Variants in CALN1 observed in about 807,000 individuals in gnomAD.
CALN1 encodes the protein calneuron 1.
Under a neutral mutation model 30.6 loss-of-function variants are expected in CALN1, and 17 were observed. The observed-to-expected ratio is 0.56, with a 90% CI of 0.38 to 0.83. The LOEUF is 0.83. CALN1 is among the 40% of genes least tolerant of loss of function. CALN1 has a pLI of 0.00. For missense variants in CALN1, 291 were observed against 354.9 expected (o/e 0.82, Z 1.45); for synonymous variants, 156 against 131.4 (o/e 1.19, Z -1.28).
At chr7:72,134,157 T>C (rs1389864958) in intron 3 of CALN1, among the ~76,000 whole-genome samples, 1 of 152,114 alleles carries the variant, frequency 6.6e-6, no homozygotes, top group East Asian at 1.9e-4. Flanking sequence ...TGGCATTCCT[T>C]CCCTCCAGAG....
intron 3 of CALN1, among the ~76,000 whole-genome samples, chr7:72,207,090 T>A (rs1191788515): frequency 2.6e-5 from 4 of 152,328 alleles, no homozygotes; most frequent in Middle Eastern, 3.4e-3. Flanking sequence ...AAGAAAAAGA[T>A]GCTAATGAAC....
chr7:72,348,299 C>T (rs184177526), intron 2 of CALN1, among the ~76,000 whole-genome samples: 8 of 152,284 alleles, frequency 5.3e-5, no homozygotes, highest in Admixed American at 4.6e-4. Flanking sequence ...GTACAAATTA[C>T]GTGTGTCCTG....
chr7:71,947,557 G>T (rs1796467915), intron 5 of CALN1, among the ~76,000 whole-genome samples: 1 of 152,296 alleles, frequency 6.6e-6, no homozygotes, highest in South Asian at 2.1e-4. Context: ...TAAAAGTGAA[G>T]AAAATTATAC....
At chr7:72,262,230 A>G (rs1157895997) in intron 3 of CALN1, among the ~76,000 whole-genome samples, 1 of 152,206 alleles carries the variant, frequency 6.6e-6, no homozygotes, top group East Asian at 1.9e-4. Context: ...AGATCTATGG[A>G]CACGTTCCCT....
At position 72,403,449 on chromosome 7, in the gene CALN1, G is replaced by A. The variant is rs953354252; in HGVS notation, c.-73-7C>T. 8.6e-6 allele frequency: 10 copies of A among 1,161,818 alleles called. No individual in the cohort carries two copies. Among genetic ancestry groups the A allele is most frequent in the African/African-American group, 4.6e-5 (3 of 64,842 alleles). The allele number at this position is 1,161,818 out of a possible 1,614,324, so 72.0% of individuals were successfully genotyped here. ...CAGCGAAGGCACTGAGACTCTGAAA[G>A]GAGTTGACAGAAACTTACAGCCTGC... On this transcript the variant is annotated splice_region_variant and splice_polypyrimidine_tract_variant and intron_variant, in intron 1 of 6. Coordinates refer to ENST00000395275, the MANE Select transcript of CALN1 (RefSeq NM_031468.4).
At chr7:72,063,752 G>A (rs998542023) in intron 4 of CALN1, among the ~76,000 whole-genome samples, 4 of 152,176 alleles carry the variant, frequency 2.6e-5, no homozygotes, top group Admixed American at 6.5e-5. Flanking sequence ...ACAACCTGAC[G>A]TGGAAAGGAA....
chr7:72,050,142 C>T (rs1436481097), intron 4 of CALN1, among the ~76,000 whole-genome samples: 1 of 152,006 alleles, frequency 6.6e-6, no homozygotes, highest in African/African-American at 2.4e-5. Flanking sequence ...AATTGATGTC[C>T]CTGTTTTAAT....
At chr7:72,499,174 G>A in the CALN1 span, among the ~76,000 whole-genome samples, 1 of 152,040 alleles carries the variant, frequency 6.6e-6, no homozygotes, top group African/African-American at 2.4e-5. Flanking sequence ...GGGATTACAG[G>A]AACCTGCCAC....
At chr7:71,811,504 G>A (rs1457945407) in intron 5 of CALN1, among the ~76,000 whole-genome samples, 1 of 152,016 alleles carries the variant, frequency 6.6e-6, no homozygotes, top group Non-Finnish European at 1.5e-5. Flanking sequence ...ACTGTGCCTG[G>A]CCATGAATCT....
intron 4 of CALN1, among the ~76,000 whole-genome samples, chr7:72,042,598 G>A (rs559426421): frequency 1.8e-4 from 28 of 152,230 alleles, no homozygotes; most frequent in Admixed American, 1.8e-3. Context: ...CAGGAGCAGT[G>A]GATCACACGT....
chr7:72,144,913 T>C (rs370519327), intron 3 of CALN1, among the ~76,000 whole-genome samples: 2 of 151,016 alleles, frequency 1.3e-5, no homozygotes, highest in South Asian at 2.1e-4. Context: ...AAGATGTTCT[T>C]TGAAACCAAC....
At chr7:72,496,110 C>T in the CALN1 span, among the ~76,000 whole-genome samples, 9 of 152,196 alleles carry the variant, frequency 5.9e-5, no homozygotes, top group African/African-American at 1.2e-4. Flanking sequence ...TTATTAGAAA[C>T]GGGTTTTTGC....
At chr7:72,062,104 A>G (rs1584861537) in intron 4 of CALN1, among the ~76,000 whole-genome samples, 1 of 152,362 alleles carries the variant, frequency 6.6e-6, no homozygotes, top group East Asian at 1.9e-4. Context: ...CAGTGGAAAC[A>G]TCCTTCAGGA....
At chr7:72,224,301 CAA>C (rs1793515551) in intron 3 of CALN1, among the ~76,000 whole-genome samples, 1 of 151,950 alleles carries the variant, frequency 6.6e-6, no homozygotes, top group Admixed American at 6.6e-5. Flanking sequence ...ATCTATATAC[CAA>C]AGACAGGGCA....
chr7:72,253,763 C>G (rs1377684202), intron 3 of CALN1, among the ~76,000 whole-genome samples: 1 of 152,100 alleles, frequency 6.6e-6, no homozygotes, highest in African/African-American at 2.4e-5. Context: ...TTTTTATAGA[C>G]AAAGTCTCAC....
chr7:72,278,472 TACACACACACACACACACACACAC>T (rs59010102), intron 3 of CALN1, among the ~76,000 whole-genome samples, 190 bp downstream of exon 3: 1 of 143,982 alleles, frequency 6.9e-6, no homozygotes, highest in Non-Finnish European at 1.5e-5. Flanking sequence ...ATCAGGTCTG[TACACACACACACACACACACACAC>T]ACACACACAC....
chr7:72,105,274 A>G (rs954607991), intron 4 of CALN1, among the ~76,000 whole-genome samples: 1 of 152,090 alleles, frequency 6.6e-6, no homozygotes, highest in Non-Finnish European at 1.5e-5. Flanking sequence ...TACCTGTTTC[A>G]TGTCCTCCTT....
rs770151080 is a variant in CALN1 at position 71,787,849 on chromosome 7, C to A, written c.712G>T (p.Ala238Ser). Residue 238 changes from alanine to serine, a missense_variant, in exon 7 of 7, where the codon GCC (alanine) becomes TCC (serine). Around this residue, in one of 2 missense-constraint regions of CALN1, gnomAD observed 169 missense variants for 251.7 expected, o/e 0.67. Coordinates refer to ENST00000395275, the MANE Select transcript of CALN1 (RefSeq NM_031468.4). ...CTGATGATGAAGGCCATAGCAAAGG[C>A]GCATATGAGGCTCTTCCGGACGCAG... is the stretch of plus-strand genomic sequence containing the variant. ...QTCVRKSLIC[A>S]FAMAFIISVM... 1.2e-6 allele frequency: 2 copies of A among 1,614,018 alleles called. No homozygotes were observed. The highest frequency in any genetic ancestry group is 1.7e-5 in the Admixed American group (1 of 60,002).
At chr7:72,389,104 T>G (rs939345358) in intron 2 of CALN1, among the ~76,000 whole-genome samples, 11 of 152,284 alleles carry the variant, frequency 7.2e-5, no homozygotes, top group Middle Eastern at 3.4e-3. Flanking sequence ...CTCTACTCAT[T>G]TAACTTGCAA....
Sources: gnomAD v4.1 joint callset for allele counts (sites outside exome capture counted in the v4.1 genomes callset) on GRCh38, gnomAD v4.1.1 for gene constraint, gnomAD v4.1.1 regional missense constraint, MANE v1.5 for transcripts, NCBI Gene and HGNC (gene_info 2026-07-23, HGNC 2026-07-21) for gene names.